The following MIPOL1 variants were observed in gnomAD, a reference collection of about 807,000 sequenced individuals.
MIPOL1 encodes the protein mirror-image polydactyly gene 1 protein.
MIPOL1 carries 57 observed loss-of-function variants against 60.9 expected under a neutral mutation model. That is an observed-to-expected ratio of 0.94 (90% confidence interval 0.76 to 1.17). The LOEUF is 1.17. Among genes scored for constraint, MIPOL1 ranks in the 50% most tolerant of loss-of-function variants. MIPOL1 has a pLI of 0.00. For synonymous variants in MIPOL1, 179 were observed against 168.8 expected, an observed-to-expected ratio of 1.06 and a Z score of -0.47; for missense variants, 551 against 511.6, an observed-to-expected ratio of 1.08 and a Z score of -0.74.
At chr14:37,383,311 CATTTTTGTGTATTTTATTCT>C (rs2092976036) in intron 10 of MIPOL1, among the ~76,000 whole-genome samples, 2 of 151,774 alleles carry the variant, frequency 1.3e-5, no homozygotes, top group Non-Finnish European at 2.9e-5. Context: ...AGTCCAGAGT[CATTTTTGTGTATTTTATTCT>C]CAACTTGTAT....
chr14:37,262,863 C>A (rs56185940), intron 3 of MIPOL1, among the ~76,000 whole-genome samples: 1 of 152,018 alleles, frequency 6.6e-6, no homozygotes, highest in Non-Finnish European at 1.5e-5. Flanking sequence ...ATTGACCCCC[C>A]CAGGGGACCA....
intron 11 of MIPOL1, among the ~76,000 whole-genome samples, chr14:37,465,836 G>C (rs1231748219): frequency 3.9e-5 from 6 of 152,038 alleles, no homozygotes; most frequent in Non-Finnish European, 8.8e-5. Flanking sequence ...CAATCTGTAA[G>C]CATTAAATTA....
intron 12 of MIPOL1, among the ~76,000 whole-genome samples, chr14:37,524,089 T>A (rs2095430928): frequency 6.6e-6 from 1 of 152,230 alleles, no homozygotes; most frequent in Non-Finnish European, 1.5e-5. Context: ...TTGTGGTTTT[T>A]ATCTGTTATT....
chr14:37,516,646 T>TA (rs1360001222), intron 12 of MIPOL1, among the ~76,000 whole-genome samples: 3 of 152,190 alleles, frequency 2.0e-5, no homozygotes, highest in Admixed American at 6.5e-5. Context: ...GTCCTGAAAT[T>TA]ACATTTTGGC....
chr14:37,318,693 T>C (rs1211340361), intron 9 of MIPOL1, among the ~76,000 whole-genome samples: 2 of 152,186 alleles, frequency 1.3e-5, no homozygotes, highest in Non-Finnish European at 2.9e-5. Context: ...ATGTAGATTG[T>C]CTTTTTTCAA....
intron 7 of MIPOL1, among the ~76,000 whole-genome samples, chr14:37,291,076 A>C (rs1210427611): frequency 6.6e-6 from 1 of 152,160 alleles, no homozygotes; most frequent in Non-Finnish European, 1.5e-5. Flanking sequence ...CTATTATTTC[A>C]TGGAAATTTT....
At chr14:37,333,809 T>C (rs1418746607) in intron 9 of MIPOL1, among the ~76,000 whole-genome samples, 6 of 152,076 alleles carry the variant, frequency 3.9e-5, no homozygotes, top group Non-Finnish European at 7.4e-5. Flanking sequence ...CTTTCTGTAA[T>C]TGACAGACGA....
At chr14:37,340,620 G>A (rs1012962931) in intron 9 of MIPOL1, among the ~76,000 whole-genome samples, 6 of 151,428 alleles carry the variant, frequency 4.0e-5, no homozygotes, top group African/African-American at 1.5e-4. Flanking sequence ...AGGAGCTTGA[G>A]CCAAGGAGAT....
chr14:37,276,401 T>G (rs1301332735), intron 6 of MIPOL1: 2 of 151,150 alleles, frequency 1.3e-5, no homozygotes, highest in Admixed American at 1.3e-4. Flanking sequence ...AACTTAAGTT[T>G]TTCTATTCAG....
chr14:37,228,739 T>A (rs139004949), intron 1 of MIPOL1, among the ~76,000 whole-genome samples: 1 of 152,312 alleles, frequency 6.6e-6, no homozygotes, highest in Non-Finnish European at 1.5e-5. Context: ...CAAAAATACT[T>A]TGCTTCACAT....
intron 12 of MIPOL1, among the ~76,000 whole-genome samples, chr14:37,536,957 A>G (rs941441376): frequency 2.0e-5 from 3 of 152,162 alleles, no homozygotes; most frequent in Admixed American, 1.3e-4. Context: ...TTTTTAGGTC[A>G]AAAACTAGAC....
At chr14:37,423,693 C>T (rs2093914782) in intron 11 of MIPOL1, 1 of 152,070 alleles carries the variant, frequency 6.6e-6, no homozygotes, top group African/African-American at 2.4e-5. Flanking sequence ...TGTAGGAATT[C>T]ACTAAGGGTG....
At chr14:37,290,542 C>CT (rs2084964990) in intron 7 of MIPOL1, among the ~76,000 whole-genome samples, 1 of 151,972 alleles carries the variant, frequency 6.6e-6, no homozygotes, top group Admixed American at 6.6e-5. Context: ...GTGTGTTTGT[C>CT]TGTCTTTTTT....
chr14:37,369,128 T>C (rs2092566472), intron 9 of MIPOL1, among the ~76,000 whole-genome samples: 1 of 151,990 alleles, frequency 6.6e-6, no homozygotes, highest in Non-Finnish European at 1.5e-5. Context: ...AATGTGATCA[T>C]ACAATATCAT....
intron 9 of MIPOL1, among the ~76,000 whole-genome samples, chr14:37,323,832 T>C (rs1257489744): frequency 6.6e-6 from 1 of 152,026 alleles, no homozygotes; most frequent in East Asian, 1.9e-4. Context: ...TTTTGCTTCT[T>C]CTAGAATTTT....
chr14:37,412,698 G>A (rs1356526967), intron 10 of MIPOL1, among the ~76,000 whole-genome samples: 1 of 151,840 alleles, frequency 6.6e-6, no homozygotes, highest in Non-Finnish European at 1.5e-5. Context: ...TGAGGGTGAT[G>A]GAAATAATTC....
At chr14:37,398,638 T>C (rs1408977884) in intron 10 of MIPOL1, among the ~76,000 whole-genome samples, 1 of 152,204 alleles carries the variant, frequency 6.6e-6, no homozygotes, top group Admixed American at 6.5e-5. Flanking sequence ...TTTTGCGTAT[T>C]TTGGGAAACT....
chr14:37,198,767 C>T (rs192469624), intron 1 of MIPOL1, among the ~76,000 whole-genome samples: 1 of 152,236 alleles, frequency 6.6e-6, no homozygotes, highest in Non-Finnish European at 1.5e-5. Flanking sequence ...CAGGTTAAAT[C>T]ACAGTGGTAG....
intron 1 of MIPOL1, among the ~76,000 whole-genome samples, chr14:37,236,954 G>A (rs1971586460): frequency 6.6e-6 from 1 of 152,080 alleles, no homozygotes; most frequent in African/African-American, 2.4e-5. Context: ...AAGATCTCAG[G>A]TCTTTTCTGG....
Sources: gnomAD v4.1 joint callset for allele counts (sites outside exome capture counted in the v4.1 genomes callset) on GRCh38, gnomAD v4.1.1 for gene constraint, MANE v1.5 for transcripts, NCBI Gene and HGNC (gene_info 2026-07-23, HGNC 2026-07-21) for gene names.